MARCHF1: variants seen among roughly 807,000 people sequenced by gnomAD.
The protein encoded by MARCHF1 is E3 ubiquitin-protein ligase MARCHF1.
Under a neutral mutation model 54.2 loss-of-function variants are expected in MARCHF1, and 40 were observed. The ratio of observed to expected loss-of-function variants is 0.74; its 90% CI spans 0.57 to 0.96. MARCHF1 has a LOEUF of 0.96. Among genes scored for constraint, MARCHF1 ranks in the 40% least tolerant of loss-of-function variants. MARCHF1 has a pLI of 0.00. For synonymous variants in MARCHF1, 236 were observed against 236.3 expected, an observed-to-expected ratio of 1.00 and a Z score of 0.01; for missense variants, 586 against 656.5, an observed-to-expected ratio of 0.89 and a Z score of 1.17.
intron 2 of MARCHF1, among the ~76,000 whole-genome samples, chr4:164,107,516 C>T (rs1158504930): frequency 6.6e-6 from 1 of 152,068 alleles, no homozygotes; most frequent in African/African-American, 2.4e-5. Flanking sequence ...GCAAGTACCA[C>T]CACGCTCTGC....
intron 2 of MARCHF1, among the ~76,000 whole-genome samples, chr4:163,995,534 T>C (rs542384301): frequency 6.6e-6 from 1 of 152,116 alleles, no homozygotes; most frequent in African/African-American, 2.4e-5. Flanking sequence ...ATCCTGAAGC[T>C]ACACAGGGGC....
intron 1 of MARCHF1, among the ~76,000 whole-genome samples, chr4:164,323,510 T>C (rs1008831195): frequency 1.4e-5 from 2 of 141,644 alleles, no homozygotes; most frequent in Non-Finnish European, 3.0e-5. Flanking sequence ...AAGCAGAAAT[T>C]ATATAAAATT....
intron 5 of MARCHF1, among the ~76,000 whole-genome samples, chr4:163,633,168 A>G (rs1325381858): frequency 2.6e-5 from 4 of 152,234 alleles, no homozygotes; most frequent in Admixed American, 2.6e-4. Flanking sequence ...GAAAAACTGG[A>G]AACTCTAAAA....
At chr4:164,316,585 C>G (rs1735004533) in intron 1 of MARCHF1, among the ~76,000 whole-genome samples, 1 of 152,110 alleles carries the variant, frequency 6.6e-6, no homozygotes, top group African/African-American at 2.4e-5. Context: ...TCCACTGAAG[C>G]AGAAATGACA....
At chr4:163,552,052 GTC>G (rs1739123393) in intron 8 of MARCHF1, among the ~76,000 whole-genome samples, 1 of 152,160 alleles carries the variant, frequency 6.6e-6, no homozygotes, top group Non-Finnish European at 1.5e-5. Context: ...TGCTCTGTGA[GTC>G]TATCATTTCC....
At chr4:164,252,856 C>T (rs963569737) in intron 1 of MARCHF1, among the ~76,000 whole-genome samples, 25 of 151,946 alleles carry the variant, frequency 1.6e-4, no homozygotes, top group Admixed American at 6.6e-4. Flanking sequence ...AATATAGATT[C>T]GGAAGTTCTA....
intron 1 of MARCHF1, among the ~76,000 whole-genome samples, chr4:164,213,401 AT>A (rs1204538537): frequency 6.6e-6 from 1 of 151,422 alleles, no homozygotes; most frequent in African/African-American, 2.4e-5. Flanking sequence ...GCCCGGCTAA[AT>A]TTTTGTATTT....
At chr4:163,687,873 T>C (rs576959829) in intron 5 of MARCHF1, among the ~76,000 whole-genome samples, 1 of 152,324 alleles carries the variant, frequency 6.6e-6, no homozygotes, top group African/African-American at 2.4e-5. Flanking sequence ...TGGCTGTAAA[T>C]TTTAATGAAA....
At chr4:163,538,948 A>C (rs1738627649) in intron 9 of MARCHF1, among the ~76,000 whole-genome samples, 2 of 152,164 alleles carry the variant, frequency 1.3e-5, no homozygotes, top group Admixed American at 1.3e-4. Flanking sequence ...AACACAACTC[A>C]TTCGGAAACT....
chr4:163,550,602 C>T (rs1480782890), intron 8 of MARCHF1, among the ~76,000 whole-genome samples: 1 of 151,740 alleles, frequency 6.6e-6, no homozygotes, highest in Non-Finnish European at 1.5e-5. Context: ...TGCAAAGCCA[C>T]ATTTTAATTG....
chr4:164,137,193 T>A (rs533334104), intron 1 of MARCHF1, among the ~76,000 whole-genome samples: 5 of 152,298 alleles, frequency 3.3e-5, no homozygotes, highest in Admixed American at 3.3e-4. Context: ...AATTATTGTA[T>A]TTTTTTGTCA....
intron 4 of MARCHF1, among the ~76,000 whole-genome samples, chr4:163,778,450 G>A (rs1747367486): frequency 1.3e-5 from 2 of 152,020 alleles, no homozygotes; most frequent in South Asian, 4.1e-4. Flanking sequence ...TTGCTATACT[G>A]AACAATAAAG....
chr4:163,529,365 CATTT>C (rs1451796287), intron 9 of MARCHF1, among the ~76,000 whole-genome samples: 2 of 152,026 alleles, frequency 1.3e-5, no homozygotes, highest in Admixed American at 1.3e-4. Flanking sequence ...TGGACACTGA[CATTT>C]ATCCCTTATA....
intron 1 of MARCHF1, among the ~76,000 whole-genome samples, chr4:164,133,049 C>T (rs902754371): frequency 6.6e-6 from 1 of 152,136 alleles, no homozygotes; most frequent in Admixed American, 6.6e-5. Flanking sequence ...ACAATTTGTA[C>T]TATAGTTGCC....
At chr4:163,779,007 A>C (rs1366640086) in intron 4 of MARCHF1, among the ~76,000 whole-genome samples, 1 of 152,216 alleles carries the variant, frequency 6.6e-6, no homozygotes, top group African/African-American at 2.4e-5. Flanking sequence ...AACAATAAAT[A>C]GAAGCATGCA....
intron 1 of MARCHF1, among the ~76,000 whole-genome samples, chr4:164,376,219 C>T (rs1578912304): frequency 6.6e-6 from 1 of 152,300 alleles, no homozygotes; most frequent in East Asian, 1.9e-4. Context: ...ATTATGTCAA[C>T]AGATGACCTC....
At chr4:164,121,265 C>G (rs1756060152) in intron 1 of MARCHF1, among the ~76,000 whole-genome samples, 1 of 152,020 alleles carries the variant, frequency 6.6e-6, no homozygotes, top group Non-Finnish European at 1.5e-5. Flanking sequence ...AAGATTGAAC[C>G]AGGAAAAAAT....
At chr4:164,097,888 T>C (rs372454718) in intron 2 of MARCHF1, among the ~76,000 whole-genome samples, 1 of 152,304 alleles carries the variant, frequency 6.6e-6, no homozygotes, top group East Asian at 1.9e-4. Flanking sequence ...CTGTAGGTCA[T>C]ACTCATCGCA....
intron 2 of MARCHF1, among the ~76,000 whole-genome samples, chr4:164,101,458 G>C (rs1358198700): frequency 1.1e-4 from 14 of 124,026 alleles, no homozygotes; most frequent in Non-Finnish European, 2.4e-4. Context: ...CCTGACCCCT[G>C]ACCCCCGAGC....
Sources: gnomAD v4.1 joint callset for allele counts (sites outside exome capture counted in the v4.1 genomes callset) on GRCh38, gnomAD v4.1.1 for gene constraint, MANE v1.5 for transcripts, NCBI Gene and HGNC (gene_info 2026-07-23, HGNC 2026-07-21) for gene names.